SCAP: variants seen among roughly 807,000 people sequenced by gnomAD.
The protein encoded by SCAP is SREBF chaperone, also known as sterol regulatory element-binding protein cleavage-activating protein.
Under a neutral mutation model 123.6 loss-of-function variants are expected in SCAP, and 65 were observed. That is an observed-to-expected ratio of 0.53 (90% CI 0.43 to 0.65). SCAP has a LOEUF of 0.65. Ranked by LOEUF, SCAP falls within the 30% of genes least tolerant of loss-of-function variation. The pLI, the probability that SCAP is intolerant of heterozygous loss-of-function variation, is 0.00. For missense variants in SCAP, 1,398 were observed against 1,712.5 expected (o/e 0.82, Z 3.24); for synonymous variants, 740 against 726.3 (o/e 1.02, Z -0.30).
rs747934587 is a variant in SCAP, at chr3:47,417,133, G to C, written c.3045C>G (p.Phe1015Leu). 9.9e-5 allele frequency: 159 copies of C among 1,612,962 alleles called. No individual in the cohort carries two copies. The highest frequency in any genetic ancestry group is 1.3e-4 in the Non-Finnish European group (153 of 1,179,994). ...EVSSGITALV[F>L]LDKRIVAARL... The stretch of plus-strand genomic sequence containing the variant: ...CAGGCCACGCTCACCTTTTGTCCAA[G>C]AACACCAGAGCGGTAATGCCTGAGG... The change falls in exon 18 of 23, where the codon TTC becomes TTG. Residue 1015 changes from phenylalanine (F) to leucine (L), a missense_variant. Physicochemically the swap from Phe to Leu is conservative, Grantham distance 22. Around this residue, in one of 7 missense-constraint regions of SCAP, gnomAD observed 828 missense variants for 882.5 expected, o/e 0.94. Coordinates refer to ENST00000265565, the MANE Select transcript of SCAP (RefSeq NM_012235.4).
Position 47,423,910 on chromosome 3 carries a change from GCCCAACTCT to G in SCAP, c.1150+14_1150+22del. The G allele has an allele frequency of 6.4e-7, 1 of 1,557,060 alleles. No individual in the cohort carries two copies. The highest frequency in any genetic ancestry group is 8.9e-7 in the Non-Finnish European group (1 of 1,128,346). On this transcript the variant is annotated intron_variant, in intron 9 of 22. Transcript: ENST00000265565. Reference sequence around the variant, plus strand: ...ATTCCAGCCCCTCCTGCAGCCCTCTGCCCAACTCTCCCACTGCGTTACCTTGGGCGATCC... The same window carrying G: ...ATTCCAGCCCCTCCTGCAGCCCTCTGCCCACTGCGTTACCTTGGGCGATCC...
chr3:47,414,176 C>CT lies in SCAP; in HGVS notation c.3594+3dup. On this transcript the variant is annotated splice_donor_region_variant and intron_variant, in intron 22 of 22. Transcript: ENST00000265565. ...AAGAATCCTATGATCCCCATCCCCT[C>CT]TACCTGCTGAATGGAGTAGAACTTG... The CT allele has an allele frequency of 1.2e-6, 2 of 1,613,730 alleles. No individual in the cohort carries two copies. The highest frequency in any genetic ancestry group is 1.7e-6 in the Non-Finnish European group (2 of 1,180,018).
chr3:47,436,173 CAGA>C lies in SCAP; in HGVS notation c.123-1039_123-1037del, dbSNP rs774773329. Among the ~76,000 whole-genome samples the C allele has an allele frequency of 5.3e-5, 8 of 152,068 alleles. No homozygotes were observed. The South Asian group carries it at 1.5e-3, about 28-fold the overall frequency. ...AAAAGTGGGGGTACCTTTAAAAATC[CAGA>C]AGGATTCCAATTCAGATAGCTAAGC... On this transcript the variant is annotated intron_variant, in intron 2 of 22. Coordinates refer to ENST00000265565, the MANE Select transcript of SCAP (RefSeq NM_012235.4).
intron 2 of SCAP, among the ~76,000 whole-genome samples, chr3:47,440,027 A>G (rs1303544956): frequency 6.6e-6 from 1 of 152,132 alleles, no homozygotes; most frequent in Admixed American, 6.5e-5. Flanking sequence ...TCCCCCCAGT[A>G]CTGCTCTGTA....
intron 1 of SCAP, among the ~76,000 whole-genome samples, chr3:47,472,172 G>C (rs1372484210): frequency 6.6e-6 from 1 of 152,030 alleles, no homozygotes; most frequent in Non-Finnish European, 1.5e-5. Flanking sequence ...GGTGGCTCAC[G>C]CCTGTAATCC....
At chr3:47,425,441 C>A in intron 8 of SCAP, 44 bp downstream of exon 8, 1 of 1,591,950 alleles carries the variant, frequency 6.3e-7, no homozygotes, top group Non-Finnish European at 8.5e-7. Flanking sequence ...GGCTCTCTGG[C>A]CTGAGCCCAC....
intron 1 of SCAP, among the ~76,000 whole-genome samples, chr3:47,461,081 C>G (rs541953386): frequency 3.9e-5 from 6 of 152,220 alleles, no homozygotes; most frequent in Admixed American, 3.9e-4. Context: ...CCCCTCTGTA[C>G]CCCCTCCATG....
Position 47,418,419 on chromosome 3 carries a change from G to C in SCAP, c.2233C>G (p.Pro745Ala). The change falls in exon 15 of 23, where the codon CCC becomes GCC. Residue 745 changes from proline (P) to alanine (A), a missense_variant. Transcript: ENST00000265565. ...PRNYGQLGGG[P>A]GRRRRGELPC... ...AGCTCCCCGCGCCTCCGCCGCCCGGGCCCACCACCCAGCTGCCCGTAGTTG... is the reference window on the plus strand; with the variant it reads ...AGCTCCCCGCGCCTCCGCCGCCCGGCCCCACCACCCAGCTGCCCGTAGTTG... The C allele has an allele frequency of 6.3e-7, 1 of 1,582,068 alleles. No homozygotes were observed. The highest frequency in any genetic ancestry group is 8.6e-7 in the Non-Finnish European group (1 of 1,167,880).
intron 9 of SCAP, 106 bp downstream of exon 9, chr3:47,423,825 AGG>A: frequency 1.3e-6 from 1 of 793,478 alleles, no homozygotes; most frequent in South Asian, 1.6e-5. Context: ...GGCAAGAGCA[AGG>A]GACATTTCAA....
Position 47,418,314 on chromosome 3 carries a change from T to G in SCAP, c.2331+7A>C. ...CTCCCCTACCCGGCCACTGTGCCCC[T>G]GCTCACCATGAGGTGGCCGCGCAGC... On this transcript the variant is annotated splice_region_variant and intron_variant, in intron 15 of 22. Coordinates refer to ENST00000265565, the MANE Select transcript of SCAP (RefSeq NM_012235.4). The G allele has an allele frequency of 6.4e-7, 1 of 1,557,842 alleles. No individual in the cohort carries two copies. Among genetic ancestry groups the G allele is most frequent in the Non-Finnish European group, 8.7e-7 (1 of 1,151,426 alleles).
At chr3:47,474,273 AAAG>A (rs1162861727) in intron 1 of SCAP, among the ~76,000 whole-genome samples, 7 of 151,574 alleles carry the variant, frequency 4.6e-5, no homozygotes, top group Admixed American at 1.3e-4. Flanking sequence ...TCAAAAAAAA[AAAG>A]AAAGAAAGAA....
At chr3:47,425,671 C>A (rs1025792615) in intron 7 of SCAP, 60 bp from the exon 8 acceptor site, 15 of 1,583,564 alleles carry the variant, frequency 9.5e-6, no homozygotes, top group Middle Eastern at 1.7e-4. Context: ...CCCACTGGGG[C>A]TCCCGGGAGT....
In SCAP at chr3:47,445,808, A is replaced by G. The variant is rs570528484; in HGVS notation, c.-98-2717T>C. ...ACTGGTCTAGAACTCCTGACCTTAG[A>G]TGATTTGCCAGCCTGGCCTCCCAAA... On this transcript the variant is annotated intron_variant, in intron 1 of 22. Transcript: ENST00000265565. Among the ~76,000 whole-genome samples the G allele has an allele frequency of 1.0e-4, 15 of 143,700 alleles. No individual in the cohort carries two copies. The South Asian group carries it at 3.1e-3, about 30-fold the overall frequency. 94.3% of individuals were successfully genotyped at this position (143,700 alleles called of 152,430 possible).
intron 4 of SCAP, 83 bp from the exon 5 acceptor site, chr3:47,427,750 G>C: frequency 8.5e-7 from 1 of 1,181,474 alleles, no homozygotes; most frequent in Non-Finnish European, 1.2e-6. Flanking sequence ...TCCTCTGTCT[G>C]TTCTTCAATG....
At chr3:47,472,227 A>G (rs1708051359) in intron 1 of SCAP, among the ~76,000 whole-genome samples, 1 of 151,652 alleles carries the variant, frequency 6.6e-6, no homozygotes, top group Non-Finnish European at 1.5e-5. Flanking sequence ...AGGTCAGGAG[A>G]TCGAGACCAT....
rs1705443157 is a variant in SCAP at position 47,414,089 on chromosome 3, C to T, written c.3605G>A (p.Cys1202Tyr). 3 of 1,613,354 alleles carry T rather than the reference C, an allele frequency of 1.9e-6. No homozygotes were observed. Among genetic ancestry groups the T allele is most frequent in the Non-Finnish European group, 2.5e-6 (3 of 1,180,034 alleles). ...KFYSIQQDLG[C>Y]GASLGVISDN... is the part of the protein sequence containing the mutation. ...TGAGATGACACCCAAGCTTGCACCACAGCCCAGGTCCTGGAGGCAAGGACA... is the reference window on the plus strand; with the variant it reads ...TGAGATGACACCCAAGCTTGCACCATAGCCCAGGTCCTGGAGGCAAGGACA... Residue 1202 changes from cysteine (C) to tyrosine (Y), a missense_variant, in exon 23 of 23, where the codon TGT becomes TAT. Coordinates refer to ENST00000265565, the MANE Select transcript of SCAP (RefSeq NM_012235.4).
chr3:47,460,482 G>A (rs911088933), intron 1 of SCAP, among the ~76,000 whole-genome samples: 6 of 152,112 alleles, frequency 3.9e-5, no homozygotes, highest in Non-Finnish European at 7.3e-5. Flanking sequence ...CCTCTGCCGC[G>A]GCTCCAGCCA....
Position 47,420,905 on chromosome 3 carries a change from C to T in SCAP, c.1344+26G>A. 1.2e-6 allele frequency: 2 copies of T among 1,604,012 alleles called. No homozygotes were observed. Among genetic ancestry groups the T allele is most frequent in the Non-Finnish European group, 1.7e-6 (2 of 1,171,140 alleles). On this transcript the variant is annotated intron_variant, in intron 11 of 22. Transcript: ENST00000265565. This position sits in a 1 kb window ranked among gnomAD's most constrained non-coding sequence, Gnocchi z 5.0. ...GTACAGCCAGGGCTGAGGAGGCGGG[C>T]AGGGCAGGGCTCAGCCCACTCCTAC...
rs1705738722 is a variant in SCAP, at chr3:47,418,455, G to A, written c.2197C>T (p.Leu733=). 1.3e-6 allele frequency: 2 copies of A among 1,596,918 alleles called. No homozygotes were observed. Reference sequence around the variant, plus strand: ...AGCTGCCCGTAGTTGCGCGGGCATAGCACGCGGTAGAGGCAGAGCAGCAGC... The same window carrying A: ...AGCTGCCCGTAGTTGCGCGGGCATAACACGCGGTAGAGGCAGAGCAGCAGC... ...VLLLLCLYRV[L]CPRNYGQLGG... Residue 733 remains leucine (L), a synonymous_variant, in exon 15 of 23, where the codon CTA becomes TTA. Transcript: ENST00000265565.
Sources: allele counts gnomAD v4.1 joint callset (sites outside exome capture counted in the v4.1 genomes callset), GRCh38; gene constraint gnomAD v4.1.1; regional missense constraint gnomAD v4.1.1; non-coding constraint Gnocchi (gnomAD v3.1); transcripts MANE v1.5; gene names NCBI Gene and HGNC (gene_info 2026-07-23, HGNC 2026-07-21).